The following TLR7 variants were observed in gnomAD, a reference collection of about 807,000 sequenced individuals.
TLR7 encodes toll like receptor 7.
TLR7 carries 12 observed loss-of-function variants against 38.3 expected under a neutral mutation model. The ratio of observed to expected loss-of-function variants is 0.31; its 90% CI spans 0.20 to 0.51. The LOEUF is 0.51. TLR7 is among the 20% of genes least tolerant of loss of function. The pLI, the probability that TLR7 is intolerant of heterozygous loss-of-function variation, is 0.98. For missense variants in TLR7, 504 were observed against 743.4 expected (o/e 0.68, Z 3.74); for synonymous variants, 285 against 293.8 (o/e 0.97, Z 0.31).
At position 12,888,527 on chromosome X, in the gene TLR7, CTCTGTGGGAG is replaced by C. The variant is rs762167562; in HGVS notation, c.3021_3030del (p.Cys1008LeufsTer19). 1 of 1,211,899 alleles carries C rather than the reference CTCTGTGGGAG, an allele frequency of 8.3e-7. No individual in the cohort carries two copies. ...CAAGTTCCTCCAGCTCCGGAAAAGGCTCTGTGGGAGTTCTGTCCTTGAGTGGCCAACAAAC... is the reference window on the plus strand; with the variant it reads ...CAAGTTCCTCCAGCTCCGGAAAAGGCTTCTGTCCTTGAGTGGCCAACAAAC... On this transcript the variant is annotated frameshift_variant, in exon 3 of 3. Coordinates refer to ENST00000380659, the MANE Select transcript of TLR7 (RefSeq NM_016562.4).
At position 12,869,830 on chromosome X, in the gene TLR7, CAAA is replaced by C. The variant is rs34022797; in HGVS notation, c.3+2269_3+2271del. Among the ~76,000 whole-genome samples the C allele has an allele frequency of 1.0e-2, 512 of 51,440 alleles. 6 individuals carry two copies. Among genetic ancestry groups the C allele is most frequent in the African/African-American group, 0.035 (486 of 13,733 alleles). 44.7% of individuals were successfully genotyped at this position (51,440 alleles called of 115,157 possible). A position where few individuals can be genotyped will look rare whatever the true frequency, so the allele number is the denominator to read the frequency against. The stretch of plus-strand genomic sequence containing the variant: ...TACCAAGATGGTCAGTGCAGCCAGG[CAAA>C]AAAAAAAAAAAAAAAAAAATCATGT... On this transcript the variant is annotated intron_variant, in intron 2 of 2. Coordinates refer to ENST00000380659, the MANE Select transcript of TLR7 (RefSeq NM_016562.4).
At position 12,867,559 on chromosome X, in the gene TLR7, A is replaced by AT. The variant is rs1187422420; in HGVS notation, c.-16dup. ...CTCTTCAACCAGACCTCTACATTCCATTTTGGAAGAAGACTAAAAATGGTA... is the reference window on the plus strand; with the variant it reads ...CTCTTCAACCAGACCTCTACATTCCATTTTTGGAAGAAGACTAAAAATGGTA... On this transcript the variant is annotated 5_prime_UTR_variant, in exon 2 of 3. The change abolishes the stop of an existing upstream ORF in the 5' untranslated region. Coordinates refer to ENST00000380659, the MANE Select transcript of TLR7 (RefSeq NM_016562.4). The AT allele has an allele frequency of 8.3e-7, 1 of 1,208,549 alleles. No homozygotes were observed. The highest frequency in any genetic ancestry group is 1.7e-5 in the African/African-American group (1 of 57,667).
chrX:12,886,993 G>A lies in TLR7; in HGVS notation c.1485G>A (p.Gly495=), dbSNP rs1333669371. ...TTAATGAAAGCTGCTACAAGTATGGGCAGACCTTGGATCTAAGTAAAAATA... is the reference window on the plus strand; with the variant it reads ...TTAATGAAAGCTGCTACAAGTATGGACAGACCTTGGATCTAAGTAAAAATA... The part of the protein sequence containing the change: ...MSVNESCYKY[G]QTLDLSKNSI... The change falls in exon 3 of 3, where the codon GGG becomes GGA. Residue 495 remains glycine (G), a synonymous_variant. Coordinates refer to ENST00000380659, the MANE Select transcript of TLR7 (RefSeq NM_016562.4). 2.5e-6 allele frequency: 3 copies of A among 1,210,057 alleles called. No individual in the cohort carries two copies. Among genetic ancestry groups the A allele is most frequent in the East Asian group, 5.9e-5 (2 of 33,804 alleles).
chrX:12,868,636 C>G (rs1041282964), intron 2 of TLR7, among the ~76,000 whole-genome samples: 1 of 111,591 alleles, frequency 9.0e-6, no homozygotes, highest in Non-Finnish European at 1.9e-5. Context: ...TTTTCAAGTC[C>G]TTTGCAAGTG....
At chrX:12,878,592 T>C (rs759626281) in intron 2 of TLR7, among the ~76,000 whole-genome samples, 3 of 112,430 alleles carry the variant, frequency 2.7e-5, no homozygotes, top group South Asian at 3.7e-4. Flanking sequence ...ATGTGGCTTT[T>C]TGAGCTCTTG....
At chrX:12,876,714 A>G (rs1350076960) in intron 2 of TLR7, among the ~76,000 whole-genome samples, 1 of 112,273 alleles carries the variant, frequency 8.9e-6, no homozygotes, top group East Asian at 2.8e-4. Context: ...GAGACGATAT[A>G]TTGAGAAAAT....
At chrX:12,880,438 T>G (rs921159530) in intron 2 of TLR7, among the ~76,000 whole-genome samples, 4 of 111,166 alleles carry the variant, frequency 3.6e-5, no homozygotes, top group African/African-American at 1.3e-4. Flanking sequence ...GAGGAGGGAG[T>G]GATTACTTCT....
In TLR7 at chrX:12,888,518, C is replaced by T. The variant is rs181600414; in HGVS notation, c.3010C>T (p.Arg1004Trp). Residue 1004 changes from arginine (R) to tryptophan (W), a missense_variant, in exon 3 of 3, where the codon CGG becomes TGG. Physicochemically the swap from Arg to Trp is moderately radical, Grantham distance 101 (BLOSUM62 -3). Coordinates refer to ENST00000380659, the MANE Select transcript of TLR7 (RefSeq NM_016562.4). ...TCAGAAGTCCAAGTTCCTCCAGCTC[C>T]GGAAAAGGCTCTGTGGGAGTTCTGT... The part of the protein sequence containing the change: ...PFQKSKFLQL[R>W]KRLCGSSVLE... 4.1e-6 allele frequency: 5 copies of T among 1,209,913 alleles called. No homozygotes were observed. The highest frequency in any genetic ancestry group is 2.2e-6 in the Non-Finnish European group (2 of 895,248).
chrX:12,885,428 A>G, intron 2 of TLR7, 84 bp from the exon 3 acceptor site: 1 of 903,919 alleles, frequency 1.1e-6, no homozygotes, highest in Non-Finnish European at 1.5e-6. Flanking sequence ...AAAATGTTGC[A>G]AAAGAGAGGC....
At chrX:12,867,151 A>G (rs2042836925) in intron 1 of TLR7, 28 bp downstream of exon 1, 1 of 117,403 alleles carries the variant, frequency 8.5e-6, no homozygotes, top group South Asian at 3.4e-4. Context: ...ACACATATAG[A>G]TAATTTAAGT....
At chrX:12,867,609 A>C (rs1417898723) in intron 2 of TLR7, 28 bp downstream of exon 2, 60 of 1,192,955 alleles carry the variant, frequency 5.0e-5, no homozygotes, top group Non-Finnish European at 6.5e-5. Flanking sequence ...AACCTTAAAA[A>C]GTGTTATCTG....
intron 2 of TLR7, among the ~76,000 whole-genome samples, chrX:12,876,149 G>C (rs2042869797): frequency 9.0e-6 from 1 of 110,835 alleles, no homozygotes; most frequent in Non-Finnish European, 1.9e-5. Context: ...GTAGAAATAG[G>C]GTTTCACCAT....
At chrX:12,879,710 C>G (rs1188414454) in intron 2 of TLR7, among the ~76,000 whole-genome samples, 1 of 112,008 alleles carries the variant, frequency 8.9e-6, no homozygotes, top group Non-Finnish European at 1.9e-5. Flanking sequence ...AAACTGTACA[C>G]CTCACTTCCT....
Position 12,885,888 on chromosome X carries a change from C to G in TLR7, c.380C>G (p.Thr127Ser). 1.7e-6 allele frequency: 2 copies of G among 1,211,886 alleles called. No individual in the cohort carries two copies. The highest frequency in any genetic ancestry group is 2.2e-6 in the Non-Finnish European group (2 of 895,548). ...QIKPRSFSGL[T>S]YLKSLYLDGN... ...AAACCCAGAAGCTTTAGTGGACTCA[C>G]TTATTTAAAATCCCTTTACCTGGAT... Residue 127 changes from threonine (T) to serine (S), a missense_variant, in exon 3 of 3, where the codon ACT becomes AGT. By Grantham distance (58) the Thr-to-Ser change is moderately conservative. Coordinates refer to ENST00000380659, the MANE Select transcript of TLR7 (RefSeq NM_016562.4).
chrX:12,881,188 T>C (rs5743766), intron 2 of TLR7, among the ~76,000 whole-genome samples: 1,129 of 108,154 alleles, frequency 0.01, 23 homozygotes, highest in African/African-American at 0.036. Context: ...GATTATGCCA[T>C]TGCACTCCAG....
chrX:12,885,457 A>T, intron 2 of TLR7, 55 bp from the exon 3 acceptor site: 1 of 1,058,042 alleles, frequency 9.5e-7, no homozygotes, highest in Non-Finnish European at 1.3e-6. Context: ...GGAATTTTTA[A>T]TTCTGATTCT....
At chrX:12,877,029 A>G (rs2042873783) in intron 2 of TLR7, among the ~76,000 whole-genome samples, 1 of 112,197 alleles carries the variant, frequency 8.9e-6, no homozygotes, top group Admixed American at 9.4e-5. Flanking sequence ...CAAAATAACG[A>G]TAGTTGAAGC....
chrX:12,877,173 G>A (rs1638595), intron 2 of TLR7, among the ~76,000 whole-genome samples: 14,635 of 110,997 alleles, frequency 0.13, 910 homozygotes, highest in African/African-American at 0.24. Flanking sequence ...ATGGTCTTTT[G>A]GGTATACTTT....
chrX:12,881,721 C>T (rs1052247182), intron 2 of TLR7, among the ~76,000 whole-genome samples: 30 of 109,998 alleles, frequency 2.7e-4, no homozygotes, highest in African/African-American at 8.3e-4. Flanking sequence ...GTACATGTAG[C>T]GTATTACCTT....
Sources: gnomAD v4.1 joint callset for allele counts (sites outside exome capture counted in the v4.1 genomes callset) on GRCh38, gnomAD v4.1.1 for gene constraint, MANE v1.5 for transcripts, NCBI Gene and HGNC (gene_info 2026-07-23, HGNC 2026-07-21) for gene names.